The following PTP4A3 variants were observed in gnomAD, a reference collection of about 807,000 sequenced individuals.
PTP4A3 encodes the protein protein tyrosine phosphatase type IVA 3.
A neutral mutation model predicts 15.2 loss-of-function variants in PTP4A3; 9 were observed. The observed-to-expected ratio is 0.59, with a 90% CI of 0.36 to 1.03. The LOEUF (loss-of-function observed/expected upper bound fraction) is 1.03. Among genes scored for constraint, PTP4A3 ranks in the 50% least tolerant of loss-of-function variants. The pLI is 0.02. For missense variants in PTP4A3, 234 were observed against 252.1 expected, an observed-to-expected ratio of 0.93 and a Z score of 0.49; for synonymous variants, 95 against 102.0, an observed-to-expected ratio of 0.93 and a Z score of 0.41.
At chr8:141,423,241 A>T (rs996798038) in intron 2 of PTP4A3, among the ~76,000 whole-genome samples, 1 of 152,204 alleles carries the variant, frequency 6.6e-6, no homozygotes, top group African/African-American at 2.4e-5. Context: ...GGGAGCCTGG[A>T]CCCTGGACAC....
At position 141,406,888 on chromosome 8, in the gene PTP4A3, C is replaced by G. The variant is rs542593157; in HGVS notation, c.-853-14500C>G. On this transcript the variant is annotated intron_variant, in intron 1 of 5. Transcript: ENST00000521578. This position sits in a 1 kb window ranked among gnomAD's most constrained non-coding sequence, Gnocchi z 4.5. ...CCTGTGCCCACTGTATGTGCAAGGT[C>G]ATGCAGGTTATGCTTTGAACTTCCA... Among the ~76,000 whole-genome samples, 17 of 152,356 alleles carry G rather than the reference C, an allele frequency of 1.1e-4. No homozygotes were observed. In the South Asian group the frequency reaches 3.5e-3, roughly 32 times the overall value.
At chr8:141,411,377 A>G (rs2129944133) in intron 1 of PTP4A3, among the ~76,000 whole-genome samples, 1 of 152,308 alleles carries the variant, frequency 6.6e-6, no homozygotes, top group Admixed American at 6.5e-5. Flanking sequence ...CCCCAGTAGG[A>G]TCTAGGCACC....
chr8:141,427,354 A>C (rs971589854), intron 4 of PTP4A3, among the ~76,000 whole-genome samples: 4 of 152,074 alleles, frequency 2.6e-5, no homozygotes, highest in Non-Finnish European at 5.9e-5. Context: ...AGATCCCCCC[A>C]CACACAGCTG....
At chr8:141,396,173 G>A (rs1400141455) in intron 1 of PTP4A3, among the ~76,000 whole-genome samples, 1 of 152,232 alleles carries the variant, frequency 6.6e-6, no homozygotes, top group African/African-American at 2.4e-5. Context: ...GGCTGTGGGT[G>A]CCATTGGTCA....
In PTP4A3 at chr8:141,396,485, G is replaced by A. The variant is rs35516613; in HGVS notation, c.-854+4401G>A. Reference sequence around the variant, plus strand: ...ATCAGGTGGTATGGAATCTGGCCCCGGGCAGCCCGTCCAGCATTCCTCTCT... The same window carrying A: ...ATCAGGTGGTATGGAATCTGGCCCCAGGCAGCCCGTCCAGCATTCCTCTCT... On this transcript the variant is annotated intron_variant, in intron 1 of 5. Coordinates refer to ENST00000521578, the MANE Select transcript of PTP4A3 (RefSeq NM_032611.3). 6.2e-4 allele frequency among the ~76,000 whole-genome samples: 94 copies of A among 152,254 alleles called. 1 individual carries two copies. Among genetic ancestry groups the A allele is most frequent in the Non-Finnish European group, 1.1e-3 (78 of 68,016 alleles).
Position 141,425,196 on chromosome 8 carries a change from C to CGGGGGGGTGGGGGGGGG in PTP4A3, c.198+62_198+63insGTGGGGGGGGGGGGGGG. ...CTGCTGCCACCGGGGGAGGGTGGGG[C>CGGGGGGGTGGGGGGGGG]GGGGGGCTCCGGGCCTGCGCAGAGG... On this transcript the variant is annotated intron_variant, in intron 3 of 5. Transcript: ENST00000521578. The surrounding 1 kb of genome is among the most constrained non-coding windows in gnomAD (Gnocchi z 4.2). The CGGGGGGGTGGGGGGGGG allele has an allele frequency of 1.9e-5, 7 of 361,468 alleles. No homozygotes were observed. The highest frequency in any genetic ancestry group is 2.7e-5 in the Non-Finnish European group (5 of 185,976). 22.4% of individuals were successfully genotyped at this position (361,468 alleles called of 1,614,324 possible). A position where few individuals can be genotyped will look rare whatever the true frequency, so the allele number is the denominator to read the frequency against.
chr8:141,412,111 G>A (rs1485807653), intron 1 of PTP4A3, among the ~76,000 whole-genome samples: 2 of 152,236 alleles, frequency 1.3e-5, no homozygotes, highest in African/African-American at 4.8e-5. Flanking sequence ...GGTTCAGGGA[G>A]GGGCGTCATG....
At chr8:141,413,216 G>A (rs1832915717) in intron 1 of PTP4A3, among the ~76,000 whole-genome samples, 1 of 152,212 alleles carries the variant, frequency 6.6e-6, no homozygotes, top group African/African-American at 2.4e-5. Flanking sequence ...TGGGCCTGCT[G>A]GGGGCCTCTG....
intron 1 of PTP4A3, among the ~76,000 whole-genome samples, chr8:141,410,210 G>A (rs768957018): frequency 1.3e-5 from 2 of 152,258 alleles, no homozygotes; most frequent in African/African-American, 4.8e-5. Flanking sequence ...CCACACAGAC[G>A]GGCAGGAGTC....
At chr8:141,420,556 C>T (rs185362807) in intron 1 of PTP4A3, among the ~76,000 whole-genome samples, 85 of 152,316 alleles carry the variant, frequency 5.6e-4, no homozygotes, top group African/African-American at 1.6e-3. Flanking sequence ...CTCTTCAGGG[C>T]CCTGTCATGG....
chr8:141,398,536 T>C lies in PTP4A3; in HGVS notation c.-854+6452T>C, dbSNP rs552718213. Among the ~76,000 whole-genome samples the C allele has an allele frequency of 5.3e-5, 8 of 152,162 alleles. No individual in the cohort carries two copies. The South Asian group carries it at 1.7e-3, about 32-fold the overall frequency. ...TGGAGCAGGGCCTGCGGGGATCAGA[T>C]TTCCCTGGGGTGGGGTCCTGGAAAT... On this transcript the variant is annotated intron_variant, in intron 1 of 5. Transcript: ENST00000521578.
chr8:141,405,004 A>G (rs1470555087), intron 1 of PTP4A3, among the ~76,000 whole-genome samples: 3 of 152,218 alleles, frequency 2.0e-5, no homozygotes, highest in Non-Finnish European at 4.4e-5. Context: ...CCACGGCATT[A>G]ACTGACACCT....
chr8:141,401,536 C>A (rs542487815), intron 1 of PTP4A3, among the ~76,000 whole-genome samples: 23 of 152,294 alleles, frequency 1.5e-4, no homozygotes, highest in African/African-American at 5.3e-4. Context: ...CTGGCTGGCC[C>A]CTGCTCCCAC....
At chr8:141,419,264 C>T (rs1012090296) in intron 1 of PTP4A3, among the ~76,000 whole-genome samples, 35 of 152,182 alleles carry the variant, frequency 2.3e-4, no homozygotes, top group African/African-American at 8.0e-4. Context: ...TCCTGGGTCC[C>T]TGGCAGCTGT....
chr8:141,428,144 T>A (rs1207086673), intron 5 of PTP4A3, among the ~76,000 whole-genome samples: 1 of 152,078 alleles, frequency 6.6e-6, no homozygotes, highest in South Asian at 2.1e-4. Context: ...GCCAGCCAGT[T>A]CAGTCCCTCC....
intron 1 of PTP4A3, among the ~76,000 whole-genome samples, chr8:141,394,897 C>T (rs1038303219): frequency 6.6e-6 from 1 of 152,350 alleles, no homozygotes; most frequent in African/African-American, 2.4e-5. Context: ...CGCCTGACTT[C>T]GGCGCCCCGC....
Position 141,422,230 on chromosome 8 carries a change from C to G in PTP4A3, c.-11C>G, listed in dbSNP as rs199642324. On this transcript the variant is annotated 5_prime_UTR_variant, in exon 2 of 6. Coordinates refer to ENST00000521578, the MANE Select transcript of PTP4A3 (RefSeq NM_032611.3). ...GTCCCTTCTGCCCTGCCGGGCCCGT[C>G]GGGAGGCGCCATGGCTCGGATGAAC... The G allele has an allele frequency of 6.2e-7, 1 of 1,612,798 alleles. No individual in the cohort carries two copies. The highest frequency in any genetic ancestry group is 1.3e-5 in the African/African-American group (1 of 75,044).
intron 1 of PTP4A3, among the ~76,000 whole-genome samples, chr8:141,394,227 C>T (rs912025242): frequency 1.3e-5 from 2 of 152,280 alleles, no homozygotes; most frequent in East Asian, 1.9e-4. Context: ...GGAAAGTGTA[C>T]CAGGCTGGTG....
At chr8:141,422,416 G>C in intron 2 of PTP4A3, 71 bp downstream of exon 2, 2 of 1,563,412 alleles carry the variant, frequency 1.3e-6, no homozygotes. Flanking sequence ...CTGCCCTCAG[G>C]CCTCGCAAGA....
Sources: allele counts gnomAD v4.1 joint callset (sites outside exome capture counted in the v4.1 genomes callset), GRCh38; gene constraint gnomAD v4.1.1; non-coding constraint Gnocchi (gnomAD v3.1); transcripts MANE v1.5; gene names NCBI Gene and HGNC (gene_info 2026-07-23, HGNC 2026-07-21).